POU2F1: variants seen among roughly 807,000 people sequenced by gnomAD.
The protein encoded by POU2F1 is POU class 2 homeobox 1.
Under a neutral mutation model 84.9 loss-of-function variants are expected in POU2F1, and 16 were observed. That is an observed-to-expected ratio of 0.19 (90% confidence interval 0.13 to 0.29). POU2F1 has a LOEUF of 0.29. POU2F1 is among the 10% of genes least tolerant of loss of function. The probability of loss-of-function intolerance (pLI) is 1.00; values close to 1 mark genes in which losing one functional copy is unlikely to be tolerated. For missense variants in POU2F1, 738 were observed against 942.6 expected, an observed-to-expected ratio of 0.78 and a Z score of 2.84; for synonymous variants, 368 against 368.3, an observed-to-expected ratio of 1.00 and a Z score of 0.01.
intron 2 of POU2F1, among the ~76,000 whole-genome samples, chr1:167,355,069 C>T (rs957879393): frequency 4.6e-5 from 7 of 151,578 alleles, no homozygotes; most frequent in Non-Finnish European, 7.4e-5. Context: ...TCTTCACTTT[C>T]CCAAGGTTAG....
intron 13 of POU2F1, among the ~76,000 whole-genome samples, chr1:167,404,502 G>T (rs553207046): frequency 6.6e-6 from 1 of 152,276 alleles, no homozygotes; most frequent in African/African-American, 2.4e-5. Flanking sequence ...AAAATGAGGG[G>T]TATCTTTCCT....
chr1:167,370,985 A>G (rs1208728855), intron 4 of POU2F1, among the ~76,000 whole-genome samples: 1 of 152,216 alleles, frequency 6.6e-6, no homozygotes, highest in African/African-American at 2.4e-5. Flanking sequence ...AGAGGGAAAG[A>G]CAGTATTATG....
chr1:167,247,090 TAAAG>T (rs1277873883), intron 1 of POU2F1, among the ~76,000 whole-genome samples: 5 of 151,354 alleles, frequency 3.3e-5, no homozygotes, highest in East Asian at 3.9e-4. Flanking sequence ...TTTTTTTCCT[TAAAG>T]AAACAGGGTC....
At chr1:167,274,403 A>C (rs1652577646) in intron 1 of POU2F1, among the ~76,000 whole-genome samples, 1 of 152,146 alleles carries the variant, frequency 6.6e-6, no homozygotes, top group African/African-American at 2.4e-5. Flanking sequence ...TAATTCCTTT[A>C]TCTAATATCT....
At chr1:167,282,090 C>A (rs894956409) in intron 1 of POU2F1, among the ~76,000 whole-genome samples, 1 of 151,872 alleles carries the variant, frequency 6.6e-6, no homozygotes, top group Admixed American at 6.6e-5. Context: ...TTCATACTTA[C>A]TCCCTCAAAT....
chr1:167,325,428 C>A (rs1656633562), intron 1 of POU2F1, among the ~76,000 whole-genome samples: 1 of 152,100 alleles, frequency 6.6e-6, no homozygotes, highest in African/African-American at 2.4e-5. Flanking sequence ...CATGACCAGG[C>A]TGGATGTTAA....
At chr1:167,316,405 T>C (rs899138734) in intron 1 of POU2F1, among the ~76,000 whole-genome samples, 2 of 152,182 alleles carry the variant, frequency 1.3e-5, no homozygotes, top group African/African-American at 4.8e-5. Flanking sequence ...AAGAAATAGT[T>C]CCTTGATAAC....
intron 13 of POU2F1, among the ~76,000 whole-genome samples, chr1:167,406,117 C>T (rs1447133425): frequency 1.3e-5 from 2 of 152,020 alleles, no homozygotes; most frequent in Admixed American, 6.6e-5. Flanking sequence ...CCAAAACTCT[C>T]AAAAGAATCT....
At chr1:167,391,807 C>T (rs1333020563) in intron 9 of POU2F1, among the ~76,000 whole-genome samples, 3 of 151,790 alleles carry the variant, frequency 2.0e-5, no homozygotes, top group Admixed American at 1.3e-4. Context: ...AATCCACCCA[C>T]GTCAGCTTCC....
intron 13 of POU2F1, among the ~76,000 whole-genome samples, chr1:167,402,502 T>G (rs1394212134): frequency 6.6e-6 from 1 of 152,206 alleles, no homozygotes; most frequent in African/African-American, 2.4e-5. Context: ...TTGCTTATGT[T>G]AAACAGTACT....
rs1653522404 is a variant in POU2F1 at position 167,286,308 on chromosome 1, G to C, written c.62-46162G>C. On this transcript the variant is annotated intron_variant, in intron 1 of 15. Transcript: ENST00000367866. The stretch of plus-strand genomic sequence containing the variant: ...TTCATGTCAAATCAGATACCTGTCA[G>C]TTTTGCCCCTAAAACACATGTAAAG... Among the ~76,000 whole-genome samples the C allele has an allele frequency of 2.6e-5, 4 of 152,094 alleles. No homozygotes were observed. The South Asian group carries it at 8.3e-4, about 32-fold the overall frequency.
chr1:167,244,749 A>T (rs1467314863), intron 1 of POU2F1, among the ~76,000 whole-genome samples: 2 of 152,164 alleles, frequency 1.3e-5, no homozygotes, highest in Non-Finnish European at 2.9e-5. Flanking sequence ...AGGAGCCCTG[A>T]CACCCAAAAA....
intron 3 of POU2F1, among the ~76,000 whole-genome samples, chr1:167,367,314 A>G (rs556131804): frequency 2.0e-5 from 3 of 152,200 alleles, no homozygotes; most frequent in South Asian, 2.1e-4. Flanking sequence ...CCCATTAACT[A>G]TAAGTTCCAT....
intron 1 of POU2F1, among the ~76,000 whole-genome samples, chr1:167,321,646 C>A (rs921963412): frequency 4.6e-5 from 7 of 152,180 alleles, no homozygotes; most frequent in African/African-American, 1.7e-4. Flanking sequence ...AGCCATTGTT[C>A]TATCCAAATT....
chr1:167,268,149 T>G (rs778635638), intron 1 of POU2F1, among the ~76,000 whole-genome samples: 2 of 152,188 alleles, frequency 1.3e-5, no homozygotes, highest in Admixed American at 6.5e-5. Context: ...AGACATTTTC[T>G]TACTATTATT....
At chr1:167,405,929 A>C (rs1336073265) in intron 13 of POU2F1, among the ~76,000 whole-genome samples, 1 of 152,234 alleles carries the variant, frequency 6.6e-6, no homozygotes, top group Non-Finnish European at 1.5e-5. Context: ...ACTAGAAATT[A>C]ACAATAGAAA....
At chr1:167,410,126 A>G (rs1251662121) in intron 13 of POU2F1, among the ~76,000 whole-genome samples, 1 of 152,222 alleles carries the variant, frequency 6.6e-6, no homozygotes, top group African/African-American at 2.4e-5. Context: ...ATGTAATGAT[A>G]TTTAGGGGCA....
chr1:167,272,702 A>G lies in POU2F1; in HGVS notation c.61+51744A>G, dbSNP rs188001730. On this transcript the variant is annotated intron_variant, in intron 1 of 15. Coordinates refer to ENST00000367866, the MANE Select transcript of POU2F1 (RefSeq NM_002697.4). ...AACAGCAAGGGGGAAGACTACCCCC[A>G]TGATCTAGTCACCTCCTTCCAGGCC... Among the ~76,000 whole-genome samples the G allele has an allele frequency of 1.5e-3, 232 of 152,308 alleles. 3 individuals are homozygous for G. The highest frequency in any genetic ancestry group is 5.2e-3 in the South Asian group (25 of 4,824).
chr1:167,298,900 A>G (rs1011219196), intron 1 of POU2F1, among the ~76,000 whole-genome samples: 6 of 152,168 alleles, frequency 3.9e-5, no homozygotes, highest in African/African-American at 7.2e-5. Flanking sequence ...ACGGTGGCTC[A>G]TGCCTGTAAT....
Sources: allele counts gnomAD v4.1 joint callset (sites outside exome capture counted in the v4.1 genomes callset), GRCh38; gene constraint gnomAD v4.1.1; transcripts MANE v1.5; gene names NCBI Gene and HGNC (gene_info 2026-07-23, HGNC 2026-07-21).